The following CSMD2 variants were observed in gnomAD, a reference collection of about 807,000 sequenced individuals.
The protein encoded by CSMD2 is CUB and sushi domain-containing protein 2.
In CSMD2, 130 loss-of-function variants were observed where a neutral mutation model predicts 398.5. The observed-to-expected ratio is 0.33, with a 90% CI of 0.28 to 0.38. The LOEUF is 0.38. Ranked by LOEUF, CSMD2 falls within the 10% of genes least tolerant of loss-of-function variation. The pLI is 1.00. For synonymous variants in CSMD2, 1,828 were observed against 1,908.5 expected, an observed-to-expected ratio of 0.96 and a Z score of 1.10; for missense variants, 3,829 against 4,764.9, an observed-to-expected ratio of 0.80 and a Z score of 5.78.
At chr1:33,920,245 A>T (rs1185138801) in intron 4 of CSMD2, among the ~76,000 whole-genome samples, 1 of 152,004 alleles carries the variant, frequency 6.6e-6, no homozygotes, top group Non-Finnish European at 1.5e-5. Context: ...AAGAGACCCA[A>T]GGACTGGGCG....
chr1:33,709,158 C>G lies in CSMD2; in HGVS notation c.3507G>C (p.Gln1169His), dbSNP rs1371891532. ...GCTGAATTCCCTTCCCTGGCTGGGTCTGGATGGAGTAGATGCATTCATGAT... is the reference window on the plus strand; with the variant it reads ...GCTGAATTCCCTTCCCTGGCTGGGTGTGGATGGAGTAGATGCATTCATGAT... The part of the protein sequence containing the change: ...NNNHECIYSI[Q>H]TQPGKGIQLK... Residue 1169 changes from glutamine to histidine, a missense_variant, in exon 22 of 71, where the codon CAG becomes CAC. Coordinates refer to ENST00000373381, the MANE Select transcript of CSMD2 (RefSeq NM_001281956.2). 2 of 1,614,114 alleles carry G rather than the reference C, an allele frequency of 1.2e-6. No homozygotes were observed. Among genetic ancestry groups the G allele is most frequent in the South Asian group, 2.2e-5 (2 of 91,084 alleles).
In CSMD2 at chr1:33,562,950, T is replaced by G. The variant is rs77901658; in HGVS notation, c.8381-3477A>C. On this transcript the variant is annotated intron_variant, in intron 53 of 70. Transcript: ENST00000373381. The stretch of plus-strand genomic sequence containing the variant: ...AATTGTGTGAGCCAGTTCCTTAAAA[T>G]AAATTGCACTCTCTCTCTATACACA... Among the ~76,000 whole-genome samples the G allele has an allele frequency of 7.5e-3, 1,139 of 152,360 alleles. 15 individuals are homozygous for G. Among genetic ancestry groups the G allele is most frequent in the African/African-American group, 0.026 (1,080 of 41,598 alleles).
At chr1:33,684,568 C>T (rs1324725092) in intron 25 of CSMD2, among the ~76,000 whole-genome samples, 1 of 152,230 alleles carries the variant, frequency 6.6e-6, no homozygotes, top group Non-Finnish European at 1.5e-5. Context: ...CTCAACAGTG[C>T]TCCTAGGCTC....
At chr1:33,742,172 T>C (rs549766339) in intron 14 of CSMD2, among the ~76,000 whole-genome samples, 2 of 152,056 alleles carry the variant, frequency 1.3e-5, no homozygotes, top group Non-Finnish European at 2.9e-5. Context: ...CCTGAGAAGG[T>C]TGATTGTGTC....
At chr1:33,721,783 T>C (rs538504876) in intron 19 of CSMD2, among the ~76,000 whole-genome samples, 1 of 152,354 alleles carries the variant, frequency 6.6e-6, no homozygotes, top group South Asian at 2.1e-4. Flanking sequence ...GGACTATAAA[T>C]GACTTTTCTT....
At position 33,930,282 on chromosome 1, in the gene CSMD2, G is replaced by A. The variant is rs951085080; in HGVS notation, c.712+5478C>T. 2.0e-5 allele frequency among the ~76,000 whole-genome samples: 3 copies of A among 152,258 alleles called. No individual in the cohort carries two copies. In the East Asian group the frequency reaches 5.8e-4, roughly 29 times the overall value. The stretch of plus-strand genomic sequence containing the variant: ...TGTGTCCCACCTTTAAAACTCAGAG[G>A]GGTTTAGCAGCACCCCTGGCAACCA... On this transcript the variant is annotated intron_variant, in intron 4 of 70. Coordinates refer to ENST00000373381, the MANE Select transcript of CSMD2 (RefSeq NM_001281956.2).
intron 44 of CSMD2, among the ~76,000 whole-genome samples, chr1:33,595,787 C>G (rs1194650736): frequency 6.6e-6 from 1 of 152,192 alleles, no homozygotes; most frequent in Non-Finnish European, 1.5e-5. Flanking sequence ...TTGGGATTAG[C>G]CATTTCTTCA....
intron 13 of CSMD2, among the ~76,000 whole-genome samples, chr1:33,764,887 C>T (rs1650292657): frequency 6.6e-6 from 1 of 152,160 alleles, no homozygotes; most frequent in Non-Finnish European, 1.5e-5. Flanking sequence ...CACTAGGTTT[C>T]AGCCATAGAG....
At chr1:33,969,836 G>C (rs779358412) in intron 3 of CSMD2, among the ~76,000 whole-genome samples, 1 of 152,078 alleles carries the variant, frequency 6.6e-6, no homozygotes, top group Non-Finnish European at 1.5e-5. Flanking sequence ...AATTCAGCCG[G>C]GCGTGGTGGC....
At chr1:33,964,716 C>A (rs1367635251) in intron 3 of CSMD2, among the ~76,000 whole-genome samples, 1 of 152,100 alleles carries the variant, frequency 6.6e-6, no homozygotes, top group Non-Finnish European at 1.5e-5. Flanking sequence ...GCTCCCAGAC[C>A]CCAGAAGTGA....
At chr1:33,789,991 T>C (rs1654034181) in intron 11 of CSMD2, among the ~76,000 whole-genome samples, 9 of 152,300 alleles carry the variant, frequency 5.9e-5, no homozygotes, top group Admixed American at 5.2e-4. Flanking sequence ...AATGAGGGGA[T>C]TGTATGGTAT....
At chr1:33,825,455 G>T (rs12062730) in intron 7 of CSMD2, among the ~76,000 whole-genome samples, 3 of 152,152 alleles carry the variant, frequency 2.0e-5, no homozygotes, top group Non-Finnish European at 2.9e-5. Flanking sequence ...AGTTCAAATG[G>T]GAAGTGAGGG....
At chr1:34,122,252 T>C (rs1263415370) in intron 1 of CSMD2, among the ~76,000 whole-genome samples, 1 of 152,196 alleles carries the variant, frequency 6.6e-6, no homozygotes, top group South Asian at 2.1e-4. Flanking sequence ...TCCAGAACAG[T>C]GTCCAGCCCA....
intron 2 of CSMD2, among the ~76,000 whole-genome samples, chr1:34,057,098 CA>C (rs965064653): frequency 5.3e-5 from 8 of 152,074 alleles, no homozygotes; most frequent in African/African-American, 1.9e-4. Context: ...CCTCCACTCC[CA>C]GTGACACCTG....
At position 33,580,904 on chromosome 1, in the gene CSMD2, G is replaced by T; in HGVS notation, c.7241-5C>A. The T allele has an allele frequency of 6.2e-7, 1 of 1,613,940 alleles. No individual in the cohort carries two copies. Among genetic ancestry groups the T allele is most frequent in the Non-Finnish European group, 8.5e-7 (1 of 1,179,938 alleles). ...GAGGACTCTGTCCTGATGGACCTGGGGTGAGAAGGACGCAGGATTACAGAC... is the reference window on the plus strand; with the variant it reads ...GAGGACTCTGTCCTGATGGACCTGGTGTGAGAAGGACGCAGGATTACAGAC... On this transcript the variant is annotated splice_region_variant and splice_polypyrimidine_tract_variant and intron_variant, in intron 47 of 70. Coordinates refer to ENST00000373381, the MANE Select transcript of CSMD2 (RefSeq NM_001281956.2).
intron 13 of CSMD2, among the ~76,000 whole-genome samples, chr1:33,753,682 C>A (rs942780406): frequency 6.6e-6 from 1 of 152,204 alleles, no homozygotes; most frequent in African/African-American, 2.4e-5. Flanking sequence ...GTGTTCAAGT[C>A]CAACTCATGA....
chr1:33,612,117 C>T (rs781148979), intron 40 of CSMD2, among the ~76,000 whole-genome samples: 3 of 152,154 alleles, frequency 2.0e-5, no homozygotes, highest in African/African-American at 7.2e-5. Context: ...AGGCATTGTA[C>T]AGGATGAGCA....
At chr1:33,556,676 T>C (rs755464303) in intron 55 of CSMD2, among the ~76,000 whole-genome samples, 2 of 152,102 alleles carry the variant, frequency 1.3e-5, no homozygotes, top group African/African-American at 2.4e-5. Context: ...CCAAACCACA[T>C]CTTGAATTGT....
At chr1:33,763,680 C>G (rs1650124162) in intron 13 of CSMD2, among the ~76,000 whole-genome samples, 1 of 152,144 alleles carries the variant, frequency 6.6e-6, no homozygotes, top group African/African-American at 2.4e-5. Context: ...TCACCCTGGC[C>G]AGGTACACTG....
Sources: allele counts gnomAD v4.1 joint callset (sites outside exome capture counted in the v4.1 genomes callset), GRCh38; gene constraint gnomAD v4.1.1; transcripts MANE v1.5; gene names NCBI Gene and HGNC (gene_info 2026-07-23, HGNC 2026-07-21).